The following ANKFY1 variants were observed in gnomAD, a reference collection of about 807,000 sequenced individuals.
The protein encoded by ANKFY1 is ankyrin repeat and FYVE domain containing 1.
Under a neutral mutation model 128.3 loss-of-function variants are expected in ANKFY1, and 47 were observed. That is an observed-to-expected ratio of 0.37 (90% confidence interval 0.29 to 0.47). ANKFY1 has a LOEUF of 0.47. Ranked by LOEUF, ANKFY1 falls within the 20% of genes least tolerant of loss-of-function variation. The probability of loss-of-function intolerance (pLI) is 1.00; values close to 1 mark genes in which losing one functional copy is unlikely to be tolerated. For missense variants in ANKFY1, 1,222 were observed against 1,510.6 expected (o/e 0.81, Z 3.17); for synonymous variants, 553 against 601.6 (o/e 0.92, Z 1.18).
chr17:4,254,033 C>T (rs1967982688), intron 1 of ANKFY1, among the ~76,000 whole-genome samples: 1 of 152,096 alleles, frequency 6.6e-6, no homozygotes, highest in South Asian at 2.1e-4. Context: ...GGGCTGGCCG[C>T]GGTGGCTCAC....
At chr17:4,176,438 T>TA (rs1480670143) in intron 19 of ANKFY1, among the ~76,000 whole-genome samples, 1 of 152,112 alleles carries the variant, frequency 6.6e-6, no homozygotes, top group Non-Finnish European at 1.5e-5. Context: ...CTCAAACACT[T>TA]ACAATGGTTT....
chr17:4,219,145 A>C (rs912007572), intron 3 of ANKFY1, among the ~76,000 whole-genome samples: 4 of 152,172 alleles, frequency 2.6e-5, no homozygotes, highest in African/African-American at 4.8e-5. Context: ...TTATTTGTGC[A>C]ATCTTTTTAA....
In ANKFY1 at chr17:4,166,344, T is replaced by C. The variant is rs1432198627; in HGVS notation, c.*1435A>G. On this transcript the variant is annotated 3_prime_UTR_variant, in exon 25 of 25. Transcript: ENST00000341657. ...TCATTAATGCAAAAAAATGTAGTGG[T>C]TATTAAATGTCTGAAAGAATCAGTA... 1 of 152,582 alleles carries C rather than the reference T, an allele frequency of 6.6e-6. No individual in the cohort carries two copies. The highest frequency in any genetic ancestry group is 1.5e-5 in the Non-Finnish European group (1 of 68,032). 9.5% of individuals were successfully genotyped at this position (152,582 alleles called of 1,614,324 possible). A position where few individuals can be genotyped will look rare whatever the true frequency, so the allele number is the denominator to read the frequency against.
In ANKFY1 at chr17:4,181,882, A is replaced by G. The variant is rs1030607701; in HGVS notation, c.2121+299T>C. Among the ~76,000 whole-genome samples the G allele has an allele frequency of 4.6e-5, 7 of 152,184 alleles. No homozygotes were observed. Among genetic ancestry groups the G allele is most frequent in the Non-Finnish European group, 8.8e-5 (6 of 68,022 alleles). ...ACCTAAGATTGAGGAAATTATCACT[A>G]TGGTGATAATGAGGACACCCCATAG... On this transcript the variant is annotated intron_variant, in intron 15 of 24. Coordinates refer to ENST00000341657, the MANE Select transcript of ANKFY1 (RefSeq NM_001330063.2). This position sits in a 1 kb window ranked among gnomAD's most constrained non-coding sequence, Gnocchi z 4.9.
At position 4,170,845 on chromosome 17, in the gene ANKFY1, G is replaced by C; in HGVS notation, c.3156C>G (p.Tyr1052Ter). The stretch of plus-strand genomic sequence containing the variant: ...GGCACAAGTTGGCGTTCCCTTTCAT[G>C]TATGCCAGGAGCAGCACTGGAAAAC... ...ADGSTVLLLA[Y>*]MKGNANLCRA... is the part of the protein sequence containing the mutation. The change falls in exon 23 of 25, where the codon TAC becomes TAG. Residue 1052 changes from tyrosine to a stop codon, truncating the protein, a stop_gained. Transcript: ENST00000341657. LOFTEE classifies it high-confidence loss of function. The C allele has an allele frequency of 6.2e-7, 1 of 1,614,224 alleles. No individual in the cohort carries two copies. Among genetic ancestry groups the C allele is most frequent in the East Asian group, 2.2e-5 (1 of 44,888 alleles).
At chr17:4,229,783 T>G (rs2060484224) in intron 3 of ANKFY1, among the ~76,000 whole-genome samples, 1 of 152,194 alleles carries the variant, frequency 6.6e-6, no homozygotes, top group African/African-American at 2.4e-5. Context: ...ACATGGCCGC[T>G]AACGTTCCCC....
Position 4,263,727 on chromosome 17 carries a change from G to A in ANKFY1, c.10+205C>T, listed in dbSNP as rs1356561491. ...AGCCGGCCGCAGTCCCGCGGGGTCG[G>A]CATCGCGGGAGGGACGTTGTCATAG... On this transcript the variant is annotated intron_variant, in intron 1 of 24. Coordinates refer to ENST00000341657, the MANE Select transcript of ANKFY1 (RefSeq NM_001330063.2). 4 of 1,481,234 alleles carry A rather than the reference G, an allele frequency of 2.7e-6. No homozygotes were observed. The African/African-American group carries it at 4.3e-5, about 16-fold the overall frequency. The allele number at this position is 1,481,234 out of a possible 1,614,324, so 91.8% of individuals were successfully genotyped here.
intron 1 of ANKFY1, among the ~76,000 whole-genome samples, chr17:4,249,536 C>G (rs1193348894): frequency 6.6e-6 from 1 of 152,074 alleles, no homozygotes; most frequent in African/African-American, 2.4e-5. Context: ...AAGCCCTGTC[C>G]CCCTGCTGGT....
Position 4,182,337 on chromosome 17 carries a change from C to T in ANKFY1, c.1965G>A (p.Gly655=). The T allele has an allele frequency of 6.3e-7, 1 of 1,580,746 alleles. No homozygotes were observed. The highest frequency in any genetic ancestry group is 2.3e-5 in the East Asian group (1 of 43,846). The change falls in exon 15 of 25, where the codon GGG becomes GGA. Residue 655 remains glycine (G), a synonymous_variant. Coordinates refer to ENST00000341657, the MANE Select transcript of ANKFY1 (RefSeq NM_001330063.2). ...QADINVRTQD[G]ETALQLAIRN... ...TGATGGCCAGCTGGAGGGCTGTCTCCCCGTCCTGAGTCCTGCTAGGACATG... is the reference window on the plus strand; with the variant it reads ...TGATGGCCAGCTGGAGGGCTGTCTCTCCGTCCTGAGTCCTGCTAGGACATG...
chr17:4,190,879 T>G (rs1216775191), intron 10 of ANKFY1, among the ~76,000 whole-genome samples: 1 of 152,142 alleles, frequency 6.6e-6, no homozygotes. Context: ...GCTCATTGCC[T>G]GTCATCCCAG....
intron 1 of ANKFY1, 176 bp downstream of exon 1, chr17:4,263,756 C>G: frequency 6.6e-7 from 1 of 1,517,230 alleles, no homozygotes; most frequent in Non-Finnish European, 8.8e-7. Flanking sequence ...GTCATAGGAA[C>G]CGCGCTCCGG....
At chr17:4,251,537 A>T (rs1186809650) in intron 1 of ANKFY1, among the ~76,000 whole-genome samples, 2 of 67,612 alleles carry the variant, frequency 3.0e-5, no homozygotes, top group Admixed American at 1.9e-4. Flanking sequence ...ATAAAAATTA[A>T]AAAAAAAAAA....
At chr17:4,254,968 T>C (rs958881805) in intron 1 of ANKFY1, among the ~76,000 whole-genome samples, 5 of 152,184 alleles carry the variant, frequency 3.3e-5, no homozygotes, top group Non-Finnish European at 7.3e-5. Context: ...TTTGTGGTCT[T>C]AAGCCAGAAC....
intron 19 of ANKFY1, among the ~76,000 whole-genome samples, chr17:4,175,412 T>C (rs1490466842): frequency 1.3e-5 from 2 of 152,152 alleles, no homozygotes; most frequent in Non-Finnish European, 2.9e-5. Flanking sequence ...GAGGGACCTT[T>C]ACATAATACC....
rs575838701 is a variant in ANKFY1 at position 4,195,475 on chromosome 17, C to T, written c.1104-4G>A. The T allele has an allele frequency of 4.9e-5, 79 of 1,613,748 alleles. No homozygotes were observed. The highest frequency in any genetic ancestry group is 3.5e-4 in the South Asian group (32 of 91,062). ...GATGGACACATGTAAAGGAGTCCTG[C>T]GGGATCCAAAAGAAGAGGGGTCAGT... On this transcript the variant is annotated splice_region_variant and splice_polypyrimidine_tract_variant and intron_variant, in intron 8 of 24. Coordinates refer to ENST00000341657, the MANE Select transcript of ANKFY1 (RefSeq NM_001330063.2).
At chr17:4,262,787 G>C (rs1040734372) in intron 1 of ANKFY1, among the ~76,000 whole-genome samples, 2 of 152,180 alleles carry the variant, frequency 1.3e-5, no homozygotes, top group Non-Finnish European at 2.9e-5. Flanking sequence ...CTGGGTGTCA[G>C]TCACAGCTAT....
At chr17:4,200,781 T>C (rs2059914076) in intron 7 of ANKFY1, among the ~76,000 whole-genome samples, 1 of 152,196 alleles carries the variant, frequency 6.6e-6, no homozygotes, top group African/African-American at 2.4e-5. Flanking sequence ...GAATTGTGAG[T>C]GCAGACTCCT....
At chr17:4,172,065 T>C (rs1334185041) in intron 22 of ANKFY1, among the ~76,000 whole-genome samples, 12 of 152,152 alleles carry the variant, frequency 7.9e-5, no homozygotes, top group Admixed American at 7.9e-4. Context: ...GCCACACGAA[T>C]GAACACAGTG....
intron 20 of ANKFY1, among the ~76,000 whole-genome samples, 155 bp downstream of exon 20, chr17:4,173,754 C>T (rs138614562): frequency 3.9e-5 from 6 of 152,308 alleles, no homozygotes; most frequent in African/African-American, 7.2e-5. Context: ...CCTGGGCAGT[C>T]GCAGGTTGGA....
Sources: gnomAD v4.1 joint callset for allele counts (sites outside exome capture counted in the v4.1 genomes callset) on GRCh38, gnomAD v4.1.1 for gene constraint, Gnocchi (gnomAD v3.1) non-coding constraint, MANE v1.5 for transcripts, NCBI Gene and HGNC (gene_info 2026-07-23, HGNC 2026-07-21) for gene names.